DNAH7: variants seen among roughly 807,000 people sequenced by gnomAD.
DNAH7 encodes dynein axonemal heavy chain 7.
In DNAH7, 397 loss-of-function variants were observed where a neutral mutation model predicts 444.6. The ratio of observed to expected loss-of-function variants is 0.89; its 90% confidence interval spans 0.82 to 0.97. The LOEUF is 0.97. Among genes scored for constraint, DNAH7 ranks in the 50% least tolerant of loss-of-function variants. The pLI is 0.00. For synonymous variants in DNAH7, 1,636 were observed against 1,624.4 expected, an observed-to-expected ratio of 1.01 and a Z score of -0.17; for missense variants, 4,902 against 4,800.8, an observed-to-expected ratio of 1.02 and a Z score of -0.62.
chr2:196,004,372 G>A (rs1459882507), intron 10 of DNAH7, among the ~76,000 whole-genome samples: 1 of 152,198 alleles, frequency 6.6e-6, no homozygotes, highest in African/African-American at 2.4e-5. Context: ...GCTTCTGAGA[G>A]TAGATCAAAA....
At position 195,987,227 on chromosome 2, in the gene DNAH7, A is replaced by T. The variant is rs1008992001; in HGVS notation, c.1627-34T>A. 8.8e-6 allele frequency: 13 copies of T among 1,473,056 alleles called. No individual in the cohort carries two copies. In the African/African-American group the frequency reaches 1.7e-4, roughly 19 times the overall value. The allele number at this position is 1,473,056 out of a possible 1,614,324, so 91.2% of individuals were successfully genotyped here. A position where few individuals can be genotyped will look rare whatever the true frequency, so the allele number is the denominator to read the frequency against. ...GATTAAAAGTTTAATCAACATAAGA[A>T]GAAATAAAACAAATAAATTTTCACA... On this transcript the variant is annotated intron_variant, in intron 13 of 64. Coordinates refer to ENST00000312428, the MANE Select transcript of DNAH7 (RefSeq NM_018897.3).
At chr2:196,051,103 T>C in intron 3 of DNAH7, 84 bp downstream of exon 3, 1 of 1,209,132 alleles carries the variant, frequency 8.3e-7, no homozygotes, top group South Asian at 1.2e-5. Context: ...GAGCAGGAAT[T>C]TGCTTACTTA....
chr2:195,805,920 C>G (rs1470023205), intron 54 of DNAH7, among the ~76,000 whole-genome samples: 3 of 152,140 alleles, frequency 2.0e-5, no homozygotes, highest in African/African-American at 7.2e-5. Context: ...AAAATTAATA[C>G]ATTACTTTGA....
chr2:196,004,673 A>T lies in DNAH7; in HGVS notation c.990-2815T>A, dbSNP rs575925903. Among the ~76,000 whole-genome samples the T allele has an allele frequency of 5.2e-4, 79 of 151,988 alleles. 1 individual carries two copies. The highest frequency in any genetic ancestry group is 9.2e-4 in the Admixed American group (14 of 15,250). ...TGTCAAAAACAAGGGAGGGCTGGGC[A>T]TGGTGGCTCATGCCTGTAATAATCC... On this transcript the variant is annotated intron_variant, in intron 10 of 64. Coordinates refer to ENST00000312428, the MANE Select transcript of DNAH7 (RefSeq NM_018897.3).
chr2:196,031,940 T>C (rs1484049126), intron 5 of DNAH7, among the ~76,000 whole-genome samples: 1 of 152,240 alleles, frequency 6.6e-6, no homozygotes, highest in African/African-American at 2.4e-5. Flanking sequence ...CATTTTCACA[T>C]ATCTTTTCAG....
chr2:195,863,969 TAATA>T (rs1370499917), intron 41 of DNAH7, among the ~76,000 whole-genome samples, 176 bp downstream of exon 41: 3 of 152,224 alleles, frequency 2.0e-5, no homozygotes, highest in Admixed American at 6.5e-5. Flanking sequence ...CATATATTCT[TAATA>T]AATACTTTTC....
intron 12 of DNAH7, among the ~76,000 whole-genome samples, chr2:195,996,290 TATA>T (rs1315520364): frequency 1.3e-5 from 2 of 152,236 alleles, no homozygotes; most frequent in African/African-American, 2.4e-5. Flanking sequence ...CTCTCAGGAT[TATA>T]ATAATTGTAG....
intron 19 of DNAH7, among the ~76,000 whole-genome samples, chr2:195,952,374 T>G (rs2125488099): frequency 6.6e-6 from 1 of 152,302 alleles, no homozygotes; most frequent in South Asian, 2.1e-4. Flanking sequence ...TTCCTTCATT[T>G]CAACCTTGGT....
intron 8 of DNAH7, 58 bp downstream of exon 8, chr2:196,024,371 T>C: frequency 8.9e-7 from 1 of 1,121,706 alleles, no homozygotes; most frequent in Non-Finnish European, 1.2e-6. Context: ...ATTGGTGATA[T>C]AAACATATAC....
At chr2:195,815,443 T>C (rs572222151) in intron 51 of DNAH7, among the ~76,000 whole-genome samples, 4 of 152,116 alleles carry the variant, frequency 2.6e-5, no homozygotes, top group Admixed American at 6.5e-5. Context: ...TAACAAAAAA[T>C]TGCTAAGTCT....
chr2:195,928,528 A>G (rs1994569), intron 21 of DNAH7, among the ~76,000 whole-genome samples: 12,490 of 152,202 alleles, frequency 0.082, 865 homozygotes, highest in African/African-American at 0.19. Flanking sequence ...CTATTTGTCA[A>G]TATTTATCAA....
intron 10 of DNAH7, among the ~76,000 whole-genome samples, chr2:196,007,519 G>A (rs1694450212): frequency 6.6e-6 from 1 of 152,142 alleles, no homozygotes; most frequent in Admixed American, 6.6e-5. Context: ...AAATCTTGGT[G>A]GCTTTGGATA....
chr2:196,030,572 G>A (rs1043836720), intron 5 of DNAH7, among the ~76,000 whole-genome samples: 2 of 152,196 alleles, frequency 1.3e-5, no homozygotes, highest in African/African-American at 4.8e-5. Flanking sequence ...CCGCCTATGA[G>A]CATGTAAAGT....
At chr2:195,994,700 T>C (rs1029176522) in intron 12 of DNAH7, 3 of 507,498 alleles carry the variant, frequency 5.9e-6, no homozygotes, top group African/African-American at 4.0e-5. Flanking sequence ...TCACAACTTA[T>C]AACCATTTGG....
intron 47 of DNAH7, among the ~76,000 whole-genome samples, chr2:195,842,259 G>A (rs1436180570): frequency 6.6e-6 from 1 of 152,022 alleles, no homozygotes; most frequent in Admixed American, 6.5e-5. Flanking sequence ...TAATTAGCCA[G>A]GGACCTTTAG....
chr2:195,951,433 C>A (rs1403349540), intron 19 of DNAH7, among the ~76,000 whole-genome samples: 2 of 152,084 alleles, frequency 1.3e-5, no homozygotes, highest in African/African-American at 4.8e-5. Context: ...TGGGGCAGAG[C>A]ATTCTGCAGA....
chr2:195,967,382 A>C (rs1691553020), intron 17 of DNAH7, among the ~76,000 whole-genome samples: 1 of 152,092 alleles, frequency 6.6e-6, no homozygotes, highest in Non-Finnish European at 1.5e-5. Context: ...TTAAGACATG[A>C]GTAGTTTACA....
chr2:195,971,166 T>C (rs1691812886), intron 16 of DNAH7, among the ~76,000 whole-genome samples: 2 of 152,234 alleles, frequency 1.3e-5, no homozygotes, highest in South Asian at 2.1e-4. Flanking sequence ...GCCAATTATA[T>C]TTGCTATAAT....
intron 1 of DNAH7, among the ~76,000 whole-genome samples, chr2:196,066,119 T>C (rs1270177448): frequency 2.6e-5 from 4 of 152,248 alleles, no homozygotes; most frequent in Non-Finnish European, 4.4e-5. Flanking sequence ...TTTACTTCAC[T>C]GATTTTCACC....
Sources: gnomAD v4.1 joint callset for allele counts (sites outside exome capture counted in the v4.1 genomes callset) on GRCh38, gnomAD v4.1.1 for gene constraint, MANE v1.5 for transcripts, NCBI Gene and HGNC (gene_info 2026-07-23, HGNC 2026-07-21) for gene names.